Variants in KLHL18 observed in about 807,000 individuals in gnomAD.
The protein encoded by KLHL18 is kelch-like protein 18.
KLHL18 carries 38 observed loss-of-function variants against 58.5 expected under a neutral mutation model. The ratio of observed to expected loss-of-function variants is 0.65; its 90% CI spans 0.50 to 0.85. KLHL18 has a LOEUF of 0.85. Ranked by LOEUF, KLHL18 falls within the 40% of genes least tolerant of loss-of-function variation. The pLI, the probability that KLHL18 is intolerant of heterozygous loss-of-function variation, is 0.00. For synonymous variants in KLHL18, 303 were observed against 301.9 expected (o/e 1.00, Z -0.04); for missense variants, 624 against 778.4 (o/e 0.80, Z 2.36).
At chr3:47,296,277 G>T (rs951960870) in intron 1 of KLHL18, among the ~76,000 whole-genome samples, 1 of 152,176 alleles carries the variant, frequency 6.6e-6, no homozygotes, top group African/African-American at 2.4e-5. Flanking sequence ...CTCCTGAATC[G>T]TGAGCCATCT....
At chr3:47,293,206 G>A (rs1702826332) in intron 1 of KLHL18, among the ~76,000 whole-genome samples, 1 of 152,170 alleles carries the variant, frequency 6.6e-6, no homozygotes. Flanking sequence ...ACAGATAGTG[G>A]TGATGGTTGT....
At chr3:47,308,849 T>C (rs1393853854) in intron 1 of KLHL18, among the ~76,000 whole-genome samples, 1 of 150,888 alleles carries the variant, frequency 6.6e-6, no homozygotes, top group South Asian at 2.1e-4. Flanking sequence ...AGGACAACAG[T>C]GGAGGGAAGG....
intron 1 of KLHL18, among the ~76,000 whole-genome samples, chr3:47,291,167 C>T (rs949667051): frequency 1.3e-5 from 2 of 152,190 alleles, no homozygotes; most frequent in Non-Finnish European, 2.9e-5. Context: ...CCCCTTAGCC[C>T]CACTTGGTTT....
rs779724356 is a variant in KLHL18 at position 47,283,002 on chromosome 3, G to T, written c.37G>T (p.Val13Leu). Residue 13 changes from valine (V) to leucine (L), a missense_variant, in exon 1 of 10, where the codon GTG becomes TTG. Val to Leu is a conservative substitution (Grantham distance 32). Coordinates refer to ENST00000232766, the MANE Select transcript of KLHL18 (RefSeq NM_025010.5). ...EDGAEELEDL[V>L]HFSVSELPSR... The stretch of plus-strand genomic sequence containing the variant: ...CGGCGCGGAGGAGCTGGAGGATCTG[G>T]TGCACTTCTCCGTGTCTGAGTTGCC... The T allele has an allele frequency of 6.2e-7, 1 of 1,611,284 alleles. No homozygotes were observed. Among genetic ancestry groups the T allele is most frequent in the South Asian group, 1.1e-5 (1 of 90,412 alleles).
intron 1 of KLHL18, among the ~76,000 whole-genome samples, chr3:47,312,986 T>C (rs1703338553): frequency 1.3e-5 from 2 of 149,428 alleles, no homozygotes; most frequent in South Asian, 4.2e-4. Flanking sequence ...CTCGGCTCAC[T>C]GTAGGCTCCG....
In KLHL18 at chr3:47,336,629, G is replaced by A; in HGVS notation, c.993G>A (p.Val331=). ...PMTTARSRVG[V]AVVNGLLYAI... is the part of the protein sequence containing the mutation. The stretch of plus-strand genomic sequence containing the variant: ...CAACAGCCCGCAGCCGCGTTGGCGT[G>A]GCTGTGGTGAACGGGCTTCTCTATG... The change falls in exon 7 of 10, where the codon GTG becomes GTA. Residue 331 remains valine (V), a synonymous_variant. Coordinates refer to ENST00000232766, the MANE Select transcript of KLHL18 (RefSeq NM_025010.5). 1 of 1,614,258 alleles carries A rather than the reference G, an allele frequency of 6.2e-7. No homozygotes were observed. Among genetic ancestry groups the A allele is most frequent in the Non-Finnish European group, 8.5e-7 (1 of 1,180,042 alleles).
In KLHL18 at chr3:47,345,785, C is replaced by T. The variant is rs184143880; in HGVS notation, c.*1844C>T. On this transcript the variant is annotated 3_prime_UTR_variant, in exon 10 of 10. Coordinates refer to ENST00000232766, the MANE Select transcript of KLHL18 (RefSeq NM_025010.5). ...GCACAATGTGGAGCCTGGGGTGTCTCCCCCACCCCAGGACCGTCAGGTTTA... is the reference window on the plus strand; with the variant it reads ...GCACAATGTGGAGCCTGGGGTGTCTTCCCCACCCCAGGACCGTCAGGTTTA... 2 of 152,704 alleles carry T rather than the reference C, an allele frequency of 1.3e-5. No individual in the cohort carries two copies. Among genetic ancestry groups the T allele is most frequent in the East Asian group, 1.9e-4 (1 of 5,182 alleles). 9.5% of individuals were successfully genotyped at this position (152,704 alleles called of 1,614,324 possible).
intron 1 of KLHL18, among the ~76,000 whole-genome samples, chr3:47,298,797 T>C (rs1439495121): frequency 6.6e-6 from 1 of 152,190 alleles, no homozygotes; most frequent in Non-Finnish European, 1.5e-5. Context: ...AATGAAATCG[T>C]AGAGTTCGTG....
At chr3:47,309,873 C>T (rs529827420) in intron 1 of KLHL18, among the ~76,000 whole-genome samples, 7 of 152,106 alleles carry the variant, frequency 4.6e-5, no homozygotes, top group South Asian at 2.1e-4. Context: ...TGGCAGCGCG[C>T]GCCTGCACTG....
intron 1 of KLHL18, among the ~76,000 whole-genome samples, chr3:47,291,338 C>T (rs1006418193): frequency 6.6e-6 from 1 of 152,188 alleles, no homozygotes; most frequent in African/African-American, 2.4e-5. Flanking sequence ...AGCCAGCTGG[C>T]CTGTGGTTAG....
In KLHL18 at chr3:47,302,497, A is replaced by C. The variant is rs547169772; in HGVS notation, c.130-17156A>C. Among the ~76,000 whole-genome samples the C allele has an allele frequency of 2.0e-5, 3 of 152,282 alleles. No individual in the cohort carries two copies. In the East Asian group the frequency reaches 5.8e-4, roughly 29 times the overall value. The stretch of plus-strand genomic sequence containing the variant: ...AGACTCTGTCTCAAACAAACAAACA[A>C]AAAGAAACATAAGGAAGAGAAAATA... On this transcript the variant is annotated intron_variant, in intron 1 of 9. Transcript: ENST00000232766.
chr3:47,334,112 G>A lies in KLHL18; in HGVS notation c.762-571G>A, dbSNP rs1055971464. On this transcript the variant is annotated intron_variant, in intron 5 of 9. Coordinates refer to ENST00000232766, the MANE Select transcript of KLHL18 (RefSeq NM_025010.5). This position sits in a 1 kb window ranked among gnomAD's most constrained non-coding sequence, Gnocchi z 4.7. Reference sequence around the variant, plus strand: ...AAGGTGTGTGTCAGGATGGGGTGGAGTAGTGTCTGGAGGTAGCTAGGGCCC... The same window carrying A: ...AAGGTGTGTGTCAGGATGGGGTGGAATAGTGTCTGGAGGTAGCTAGGGCCC... Among the ~76,000 whole-genome samples the A allele has an allele frequency of 6.6e-6, 1 of 152,200 alleles. No homozygotes were observed. The highest frequency in any genetic ancestry group is 1.5e-5 in the Non-Finnish European group (1 of 68,046).
chr3:47,283,350 C>A (rs373154758), intron 1 of KLHL18: 24 of 498,804 alleles, frequency 4.8e-5, no homozygotes, highest in Middle Eastern at 1.0e-3. Flanking sequence ...GTGGGAGACA[C>A]GGGTGACAGC....
At position 47,334,212 on chromosome 3, in the gene KLHL18, T is replaced by C. The variant is rs1576181427; in HGVS notation, c.762-471T>C. On this transcript the variant is annotated intron_variant, in intron 5 of 9. Coordinates refer to ENST00000232766, the MANE Select transcript of KLHL18 (RefSeq NM_025010.5). This position sits in a 1 kb window ranked among gnomAD's most constrained non-coding sequence, Gnocchi z 4.7. ...GTCGGCAGTGGGTGGCTATTGAAGG[T>C]TCTTAGCTTGAACTCTAGTGTGGAA... is the stretch of plus-strand genomic sequence containing the variant. Among the ~76,000 whole-genome samples the C allele has an allele frequency of 6.6e-6, 1 of 152,060 alleles. No homozygotes were observed. Among genetic ancestry groups the C allele is most frequent in the Non-Finnish European group, 1.5e-5 (1 of 67,996 alleles).
In KLHL18 at chr3:47,343,723, C is replaced by G. The variant is rs1364593112; in HGVS notation, c.1507C>G (p.Gln503Glu). Residue 503 changes from glutamine to glutamate, a missense_variant, in exon 10 of 10, where the codon CAG becomes GAG. Gln to Glu is a conservative substitution (Grantham distance 29). Transcript: ENST00000232766. Reference protein sequence around the residue: ...IAEMYSSVADQWCLIVPMHTR... With the variant: ...IAEMYSSVADEWCLIVPMHTR... Reference sequence around the variant, plus strand: ...CGAGATGTACAGCTCTGTGGCAGACCAGTGGTGCCTGATTGTCCCCATGCA... The same window carrying G: ...CGAGATGTACAGCTCTGTGGCAGACGAGTGGTGCCTGATTGTCCCCATGCA... 6.2e-7 allele frequency: 1 copy of G among 1,614,094 alleles called. No homozygotes were observed. The highest frequency in any genetic ancestry group is 8.5e-7 in the Non-Finnish European group (1 of 1,180,056).
chr3:47,315,761 A>G (rs1230478800), intron 1 of KLHL18, among the ~76,000 whole-genome samples: 1 of 152,132 alleles, frequency 6.6e-6, no homozygotes, highest in Admixed American at 6.5e-5. Flanking sequence ...TTGGAAGAGA[A>G]AATATCTCAG....
intron 1 of KLHL18, among the ~76,000 whole-genome samples, chr3:47,311,456 G>A (rs1310353463): frequency 6.6e-6 from 1 of 152,118 alleles, no homozygotes; most frequent in East Asian, 1.9e-4. Flanking sequence ...ACTTTGGGAG[G>A]CCAAGGTGGG....
chr3:47,293,997 G>GT (rs1702844562), intron 1 of KLHL18, among the ~76,000 whole-genome samples: 1 of 152,146 alleles, frequency 6.6e-6, no homozygotes, highest in African/African-American at 2.4e-5. Context: ...ATTTACTGAG[G>GT]TATCTACATA....
At chr3:47,291,498 C>T (rs1234143719) in intron 1 of KLHL18, among the ~76,000 whole-genome samples, 1 of 152,150 alleles carries the variant, frequency 6.6e-6, no homozygotes, top group Admixed American at 6.5e-5. Flanking sequence ...CTTAAGGATT[C>T]GTGGGTAATA....
Sources: gnomAD v4.1 joint callset for allele counts (sites outside exome capture counted in the v4.1 genomes callset) on GRCh38, gnomAD v4.1.1 for gene constraint, Gnocchi (gnomAD v3.1) non-coding constraint, MANE v1.5 for transcripts, NCBI Gene and HGNC (gene_info 2026-07-23, HGNC 2026-07-21) for gene names.